Variants in CHEK2 observed in about 807,000 individuals in gnomAD.
CHEK2 encodes checkpoint kinase 2.
In CHEK2, 71 loss-of-function variants were observed where a neutral mutation model predicts 69.1. That is an observed-to-expected ratio of 1.03 (90% confidence interval 0.85 to 1.25). The LOEUF (loss-of-function observed/expected upper bound fraction) is 1.25. Among genes scored for constraint, CHEK2 ranks in the 50% most tolerant of loss-of-function variants. The pLI is 0.00. For synonymous variants in CHEK2, 189 were observed against 226.9 expected (o/e 0.83, Z 1.50); for missense variants, 664 against 649.6 (o/e 1.02, Z -0.24).
chr22:28,737,801 T>G (rs1467767270), intron 1 of CHEK2: 1 of 153,038 alleles, frequency 6.5e-6, no homozygotes, highest in African/African-American at 2.4e-5. Context: ...TTCTTATGAA[T>G]TTTCCACTTA....
chr22:28,689,314 T>C (rs753168652), intron 13 of CHEK2, 99 bp from the exon 14 acceptor site: 3 of 886,658 alleles, frequency 3.4e-6, no homozygotes, highest in Admixed American at 1.7e-5. Context: ...GGAGGAAAAA[T>C]GTCCGTCCAA....
chr22:28,718,757 C>T (rs1601803365), intron 5 of CHEK2, among the ~76,000 whole-genome samples: 1 of 151,494 alleles, frequency 6.6e-6, no homozygotes, highest in South Asian at 2.1e-4. Context: ...TGGTTCAAGC[C>T]CATAGTCCCA....
intron 13 of CHEK2, among the ~76,000 whole-genome samples, chr22:28,691,915 A>AG (rs1299039963): frequency 6.6e-6 from 1 of 152,166 alleles, no homozygotes; most frequent in Non-Finnish European, 1.5e-5. Flanking sequence ...AAAAACACTG[A>AG]ATTTTCCCAA....
At chr22:28,711,665 A>C (rs1395786542) in intron 6 of CHEK2, among the ~76,000 whole-genome samples, 1 of 152,156 alleles carries the variant, frequency 6.6e-6, no homozygotes, top group African/African-American at 2.4e-5. Context: ...GAAGAAAAAA[A>C]AAAACTTCCC....
intron 2 of CHEK2, among the ~76,000 whole-genome samples, chr22:28,733,094 G>A (rs985764912): frequency 1.3e-5 from 2 of 152,076 alleles, no homozygotes; most frequent in African/African-American, 4.8e-5. Context: ...GCCTGGCAAT[G>A]TTAAAATACA....
intron 5 of CHEK2, chr22:28,712,301 G>A: frequency 2.4e-6 from 1 of 422,860 alleles, no homozygotes; most frequent in Admixed American, 4.0e-5. Flanking sequence ...GATACTAAGA[G>A]AAAAATGAGA....
chr22:28,738,218 A>C (rs1411795767), intron 1 of CHEK2, among the ~76,000 whole-genome samples: 1 of 152,204 alleles, frequency 6.6e-6, no homozygotes, highest in Non-Finnish European at 1.5e-5. Context: ...GAAAATAAAA[A>C]AGATACAAAG....
At chr22:28,740,843 A>C (rs1009868196) in intron 1 of CHEK2, among the ~76,000 whole-genome samples, 3 of 152,188 alleles carry the variant, frequency 2.0e-5, no homozygotes, top group African/African-American at 7.2e-5. Context: ...TATAGAGAAG[A>C]GTATTGTGAT....
chr22:28,702,548 T>A (rs2145868902), intron 8 of CHEK2, among the ~76,000 whole-genome samples: 1 of 148,826 alleles, frequency 6.7e-6, no homozygotes, highest in African/African-American at 2.5e-5. Flanking sequence ...TTTTTTTTTT[T>A]TTTTTTTTAA....
At chr22:28,688,982 T>A (rs1356430662) in intron 14 of CHEK2, among the ~76,000 whole-genome samples, 153 bp downstream of exon 14, 1 of 152,216 alleles carries the variant, frequency 6.6e-6, no homozygotes, top group East Asian at 1.9e-4. Context: ...CTAAGGGTGC[T>A]GGAGCGAATC....
intron 13 of CHEK2, among the ~76,000 whole-genome samples, chr22:28,690,418 C>T (rs2052316020): frequency 1.3e-5 from 2 of 151,728 alleles, no homozygotes; most frequent in South Asian, 2.1e-4. Context: ...CGCCTGAGGT[C>T]GGAAGTTTGA....
Position 28,719,433 on chromosome 22 carries a change from T to C in CHEK2, c.645A>G (p.Ala215=), listed in dbSNP as rs761630560. ...TVDDQSVYPK[A]LRDEYIMSKT... ...TTGACATGATGTATTCATCTCTTAA[T>C]GCCTTAGGATAAACTGACTGATCAT... The change falls in exon 5 of 15, where the codon GCA becomes GCG. Residue 215 remains alanine (A), a synonymous_variant. Coordinates refer to ENST00000404276, the MANE Select transcript of CHEK2 (RefSeq NM_007194.4). 2 of 1,597,376 alleles carry C rather than the reference T, an allele frequency of 1.3e-6. No homozygotes were observed. Among genetic ancestry groups the C allele is most frequent in the Admixed American group, 1.7e-5 (1 of 57,904 alleles).
intron 5 of CHEK2, among the ~76,000 whole-genome samples, chr22:28,716,255 G>A (rs1475172060): frequency 6.7e-6 from 1 of 149,548 alleles, no homozygotes; most frequent in African/African-American, 2.5e-5. Context: ...GGAGTGCAGT[G>A]GCGTGATCTC....
At chr22:28,731,628 C>G (rs1471273261) in intron 2 of CHEK2, among the ~76,000 whole-genome samples, 1 of 151,952 alleles carries the variant, frequency 6.6e-6, no homozygotes, top group Non-Finnish European at 1.5e-5. Context: ...GATAAACAGT[C>G]TCTATTTATT....
At chr22:28,713,952 A>T (rs1051361254) in intron 5 of CHEK2, among the ~76,000 whole-genome samples, 1 of 152,176 alleles carries the variant, frequency 6.6e-6, no homozygotes, top group African/African-American at 2.4e-5. Flanking sequence ...AAGTGCTGGG[A>T]TTAGAGGCGT....
intron 4 of CHEK2, among the ~76,000 whole-genome samples, chr22:28,724,118 A>G (rs2053901365): frequency 6.6e-6 from 1 of 152,192 alleles, no homozygotes; most frequent in South Asian, 2.1e-4. Flanking sequence ...AATTCAATTA[A>G]CAGTATATGG....
At chr22:28,718,119 G>A (rs558444471) in intron 5 of CHEK2, among the ~76,000 whole-genome samples, 6 of 152,202 alleles carry the variant, frequency 3.9e-5, no homozygotes, top group African/African-American at 1.2e-4. Flanking sequence ...TTCGTGAGGC[G>A]AAAGAGTTAA....
chr22:28,726,629 CACAT>C (rs1245542081), intron 2 of CHEK2, among the ~76,000 whole-genome samples: 2 of 147,054 alleles, frequency 1.4e-5, no homozygotes, highest in African/African-American at 5.0e-5. Context: ...CACACACATA[CACAT>C]ACATATATAT....
chr22:28,735,344 T>G (rs1334335859), intron 1 of CHEK2, among the ~76,000 whole-genome samples: 96 of 151,764 alleles, frequency 6.3e-4, no homozygotes, highest in Non-Finnish European at 5.9e-5. Context: ...AGGCAGAGGT[T>G]GCAGTGAACC....
Sources: gnomAD v4.1 joint callset for allele counts (sites outside exome capture counted in the v4.1 genomes callset) on GRCh38, gnomAD v4.1.1 for gene constraint, MANE v1.5 for transcripts, NCBI Gene and HGNC (gene_info 2026-07-23, HGNC 2026-07-21) for gene names.